Variants in CARMIL1 observed in about 807,000 individuals in gnomAD.
The protein encoded by CARMIL1 is F-actin-uncapping protein LRRC16A.
In CARMIL1, 90 loss-of-function variants were observed where a neutral mutation model predicts 177.1. That is an observed-to-expected ratio of 0.51 (90% CI 0.43 to 0.61). The LOEUF (loss-of-function observed/expected upper bound fraction) is 0.61, where lower values mean the gene tolerates loss of function less well. CARMIL1 is among the 20% of genes least tolerant of loss of function. The pLI is 0.00. For synonymous variants in CARMIL1, 577 were observed against 606.2 expected, an observed-to-expected ratio of 0.95 and a Z score of 0.71; for missense variants, 1,380 against 1,667.0, an observed-to-expected ratio of 0.83 and a Z score of 3.00.
chr6:25,593,341 G>T (rs934683855), intron 31 of CARMIL1, among the ~76,000 whole-genome samples: 1 of 152,036 alleles, frequency 6.6e-6, no homozygotes, highest in Non-Finnish European at 1.5e-5. Flanking sequence ...CCTTCATACT[G>T]CCCCAGAATT....
chr6:25,411,221 T>C (rs575988348), intron 2 of CARMIL1, among the ~76,000 whole-genome samples: 1 of 152,294 alleles, frequency 6.6e-6, no homozygotes. Context: ...TGCTGTCTGC[T>C]CACCCAATAG....
chr6:25,437,996 G>C (rs981660603), intron 5 of CARMIL1, among the ~76,000 whole-genome samples: 2 of 152,088 alleles, frequency 1.3e-5, no homozygotes, highest in Non-Finnish European at 2.9e-5. Flanking sequence ...CTTTGCCTAA[G>C]CTCTCAAATG....
chr6:25,431,418 G>A (rs985591094), intron 4 of CARMIL1, among the ~76,000 whole-genome samples: 1 of 152,038 alleles, frequency 6.6e-6, no homozygotes, highest in Non-Finnish European at 1.5e-5. Flanking sequence ...TATTTTATGT[G>A]TTTATCATTT....
chr6:25,585,140 C>T (rs544757883), intron 31 of CARMIL1, among the ~76,000 whole-genome samples: 4 of 152,346 alleles, frequency 2.6e-5, no homozygotes, highest in African/African-American at 7.2e-5. Flanking sequence ...TATGATATCA[C>T]GCTGCTTACA....
intron 17 of CARMIL1, among the ~76,000 whole-genome samples, chr6:25,502,658 G>A (rs1003045869): frequency 2.0e-5 from 3 of 151,584 alleles, no homozygotes; most frequent in Admixed American, 6.6e-5. Context: ...ATTAAATATC[G>A]TGACTGCCAG....
chr6:25,359,186 G>C (rs1788937299), intron 2 of CARMIL1, among the ~76,000 whole-genome samples: 1 of 152,178 alleles, frequency 6.6e-6, no homozygotes, highest in South Asian at 2.1e-4. Flanking sequence ...TTATAGCTAA[G>C]ACTCTCCCAT....
chr6:25,532,537 TGCAGA>T (rs1169191358), intron 24 of CARMIL1, among the ~76,000 whole-genome samples: 1 of 152,194 alleles, frequency 6.6e-6, no homozygotes, highest in Non-Finnish European at 1.5e-5. Context: ...CCTTGAAGAT[TGCAGA>T]AACCTGAATA....
intron 11 of CARMIL1, among the ~76,000 whole-genome samples, chr6:25,476,778 T>G (rs1425633212): frequency 1.3e-5 from 2 of 152,104 alleles, no homozygotes. Flanking sequence ...CCAGGACTAT[T>G]ATTTGTAAGG....
At chr6:25,580,894 T>A in intron 29 of CARMIL1, 30 bp from the exon 30 acceptor site, 1 of 1,514,652 alleles carries the variant, frequency 6.6e-7, no homozygotes, top group Non-Finnish European at 9.0e-7. Context: ...GCTACCTAAG[T>A]GTTTTTTTAA....
intron 2 of CARMIL1, among the ~76,000 whole-genome samples, chr6:25,409,151 T>C (rs879641042): frequency 6.6e-6 from 1 of 152,196 alleles, no homozygotes; most frequent in Non-Finnish European, 1.5e-5. Context: ...AGGTTATAGT[T>C]ACCATGGGAG....
chr6:25,458,542 T>A (rs1799737333), intron 8 of CARMIL1, among the ~76,000 whole-genome samples: 3 of 150,902 alleles, frequency 2.0e-5, no homozygotes. Flanking sequence ...ATTGGTTAAT[T>A]GTGATGGAAG....
chr6:25,435,680 T>C, intron 5 of CARMIL1, 76 bp downstream of exon 5: 1 of 1,434,966 alleles, frequency 7.0e-7, no homozygotes. Context: ...CAATGCCTTC[T>C]TTTTACCCCT....
In CARMIL1 at chr6:25,461,665, T is replaced by A. The variant is rs1177914322; in HGVS notation, c.615-4208T>A. The stretch of plus-strand genomic sequence containing the variant: ...ATCTACATTTTTATGTGAACATAAA[T>A]TTTGATTTTTCTTGGGGAATTTCCT... On this transcript the variant is annotated intron_variant, in intron 8 of 36. Coordinates refer to ENST00000329474, the MANE Select transcript of CARMIL1 (RefSeq NM_017640.6). Among the ~76,000 whole-genome samples, 3 of 152,220 alleles carry A rather than the reference T, an allele frequency of 2.0e-5. No individual in the cohort carries two copies. In the East Asian group the frequency reaches 5.8e-4, roughly 29 times the overall value.
At chr6:25,516,190 C>T (rs1368724564) in intron 21 of CARMIL1, among the ~76,000 whole-genome samples, 2 of 152,246 alleles carry the variant, frequency 1.3e-5, no homozygotes, top group Middle Eastern at 3.4e-3. Context: ...ACTAAGTGAG[C>T]AGAGCCCATA....
chr6:25,449,444 G>A (rs1296125420), intron 5 of CARMIL1, among the ~76,000 whole-genome samples: 2 of 152,136 alleles, frequency 1.3e-5, no homozygotes, highest in Non-Finnish European at 2.9e-5. Context: ...ATGGCCCAGG[G>A]GAAGAGGTAG....
At chr6:25,284,954 T>TG in intron 2 of CARMIL1, 45 bp downstream of exon 2, 1 of 1,187,498 alleles carries the variant, frequency 8.4e-7, no homozygotes, top group South Asian at 1.3e-5. Context: ...GAAATGAAAG[T>TG]GTGTTTTCAT....
At chr6:25,403,796 A>G (rs915845865) in intron 2 of CARMIL1, among the ~76,000 whole-genome samples, 15 of 152,150 alleles carry the variant, frequency 9.9e-5, no homozygotes, top group Non-Finnish European at 1.5e-4. Context: ...AGCACGCTCT[A>G]TTCTCTTTTT....
intron 5 of CARMIL1, among the ~76,000 whole-genome samples, chr6:25,439,214 T>C (rs967345227): frequency 1.2e-4 from 18 of 152,124 alleles, no homozygotes; most frequent in Non-Finnish European, 2.5e-4. Context: ...CATTCTGTTT[T>C]AGGCATGTGG....
At chr6:25,304,633 C>G (rs1783124265) in intron 2 of CARMIL1, among the ~76,000 whole-genome samples, 2 of 152,218 alleles carry the variant, frequency 1.3e-5, no homozygotes, top group African/African-American at 4.8e-5. Context: ...TGCCGCTCAC[C>G]TCCTGCTGTG....
Sources: gnomAD v4.1 joint callset for allele counts (sites outside exome capture counted in the v4.1 genomes callset) on GRCh38, gnomAD v4.1.1 for gene constraint, MANE v1.5 for transcripts, NCBI Gene and HGNC (gene_info 2026-07-23, HGNC 2026-07-21) for gene names.